The following DIS3L2 variants were observed in gnomAD, a reference collection of about 807,000 sequenced individuals.
DIS3L2 encodes DIS3 like 3'-5' exoribonuclease 2.
DIS3L2 carries 34 observed loss-of-function variants against 97.5 expected under a neutral mutation model. The ratio of observed to expected loss-of-function variants is 0.35; its 90% confidence interval spans 0.27 to 0.46. DIS3L2 has a LOEUF of 0.46. DIS3L2 is among the 20% of genes least tolerant of loss of function. The pLI is 1.00. For missense variants in DIS3L2, 1,038 were observed against 1,146.0 expected (o/e 0.91, Z 1.36); for synonymous variants, 435 against 445.2 (o/e 0.98, Z 0.29).
At chr2:232,195,028 T>G (rs913298504) in intron 9 of DIS3L2, among the ~76,000 whole-genome samples, 7 of 152,194 alleles carry the variant, frequency 4.6e-5, no homozygotes, top group Admixed American at 2.6e-4. Flanking sequence ...GCCTGCTATT[T>G]AAAAACAAAA....
chr2:232,090,684 A>C (rs535359382), intron 6 of DIS3L2, among the ~76,000 whole-genome samples: 2 of 152,330 alleles, frequency 1.3e-5, no homozygotes, highest in South Asian at 4.1e-4. Context: ...AGACTTCTAG[A>C]AAGGTTCTTT....
chr2:232,088,133 G>C (rs868095961), intron 6 of DIS3L2, among the ~76,000 whole-genome samples: 1 of 152,330 alleles, frequency 6.6e-6, no homozygotes, highest in Middle Eastern at 3.4e-3. Flanking sequence ...GGGCACAGTG[G>C]CTCACGCCTG....
chr2:232,316,358 C>A (rs539464405), intron 14 of DIS3L2, among the ~76,000 whole-genome samples: 1 of 152,228 alleles, frequency 6.6e-6, no homozygotes, highest in South Asian at 2.1e-4. Context: ...TGTCATTCGC[C>A]TCCACACTAG....
At chr2:232,169,441 G>A (rs1345705585) in intron 9 of DIS3L2, among the ~76,000 whole-genome samples, 2 of 152,026 alleles carry the variant, frequency 1.3e-5, no homozygotes, top group African/African-American at 2.4e-5. Flanking sequence ...AGACAGATTC[G>A]TACTCAGATA....
At chr2:232,230,631 C>T (rs539477185) in intron 10 of DIS3L2, among the ~76,000 whole-genome samples, 102 of 149,738 alleles carry the variant, frequency 6.8e-4, no homozygotes, top group Non-Finnish European at 1.0e-3. Context: ...GGTCTTGAGG[C>T]TCTTTGTTTT....
Position 232,306,418 on chromosome 2 carries a change from C to T in DIS3L2, c.1739+6299C>T, listed in dbSNP as rs188743926. ...TAACTGTATCAACGTCTGATACTCC[C>T]GGCCCCCAGTTGCCACGGTAAAAAT... On this transcript the variant is annotated intron_variant, in intron 14 of 20. Transcript: ENST00000325385. 6.6e-5 allele frequency among the ~76,000 whole-genome samples: 10 copies of T among 152,298 alleles called. No homozygotes were observed. The South Asian group carries it at 1.2e-3, about 19-fold the overall frequency.
chr2:232,330,604 C>T, intron 15 of DIS3L2, 86 bp from the exon 16 acceptor site: 1 of 1,391,596 alleles, frequency 7.2e-7, no homozygotes, highest in Admixed American at 1.7e-5. Context: ...CAGAGCCGGG[C>T]ATGAGGTGCT....
At position 232,276,721 on chromosome 2, in the gene DIS3L2, G is replaced by A. The variant is rs1489673803; in HGVS notation, c.1659+13281G>A. Among the ~76,000 whole-genome samples the A allele has an allele frequency of 3.3e-5, 5 of 152,234 alleles. No homozygotes were observed. In the East Asian group the frequency reaches 9.6e-4, roughly 29 times the overall value. ...ATGGACCCTGGGTCAGACTGCCTGG[G>A]TTCTGATCCCGACTCCCTCACTTAG... On this transcript the variant is annotated intron_variant, in intron 13 of 20. Coordinates refer to ENST00000325385, the MANE Select transcript of DIS3L2 (RefSeq NM_152383.5). The surrounding 1 kb of genome is among the most constrained non-coding windows in gnomAD (Gnocchi z 4.4).
At position 232,280,389 on chromosome 2, in the gene DIS3L2, A is replaced by AG. The variant is rs1180604967; in HGVS notation, c.1659+16950dup. Among the ~76,000 whole-genome samples the AG allele has an allele frequency of 5.3e-5, 8 of 152,228 alleles. 1 individual carries two copies. Among genetic ancestry groups the AG allele is most frequent in the Admixed American group, 5.2e-4 (8 of 15,288 alleles). On this transcript the variant is annotated intron_variant, in intron 13 of 20. Transcript: ENST00000325385. ...TGAAAAGAGGGTATGGGATGATTAG[A>AG]GAAAAACCTCCAAACTTTCTAGATA...
chr2:232,001,024 A>C (rs1464378326), intron 1 of DIS3L2, among the ~76,000 whole-genome samples: 1 of 152,114 alleles, frequency 6.6e-6, no homozygotes, highest in Non-Finnish European at 1.5e-5. Context: ...GTGGGAGTGC[A>C]AATGTCTTTT....
At position 232,190,472 on chromosome 2, in the gene DIS3L2, G is replaced by A. The variant is rs185237799; in HGVS notation, c.1125-19854G>A. The stretch of plus-strand genomic sequence containing the variant: ...GTGAAATTCAGAAGACTGAGATTTT[G>A]CTTTAAAGAACATGAACGACACAAT... On this transcript the variant is annotated intron_variant, in intron 9 of 20. Coordinates refer to ENST00000325385, the MANE Select transcript of DIS3L2 (RefSeq NM_152383.5). Among the ~76,000 whole-genome samples, 605 of 152,230 alleles carry A rather than the reference G, an allele frequency of 4.0e-3. 5 individuals carry two copies. Among genetic ancestry groups the A allele is most frequent in the Non-Finnish European group, 5.3e-3 (363 of 68,020 alleles).
chr2:232,340,367 G>T (rs906450221), downstream of DIS3L2, among the ~76,000 whole-genome samples: 1 of 152,188 alleles, frequency 6.6e-6, no homozygotes. Context: ...CTGGGCTGGG[G>T]TGAAGAGGGA....
intron 12 of DIS3L2, 117 bp from the exon 13 acceptor site, chr2:232,263,090 C>A: frequency 1.9e-6 from 2 of 1,075,730 alleles, no homozygotes. Context: ...CCATTCCGAG[C>A]ACACAGTCAG....
chr2:231,986,787 T>G (rs1267481624), intron 1 of DIS3L2, among the ~76,000 whole-genome samples: 3 of 152,256 alleles, frequency 2.0e-5, no homozygotes, highest in East Asian at 1.9e-4. Flanking sequence ...GTTTAACCAC[T>G]GAGCTCTACT....
At chr2:232,195,897 TC>T (rs1461979988) in intron 9 of DIS3L2, among the ~76,000 whole-genome samples, 1 of 145,994 alleles carries the variant, frequency 6.8e-6, no homozygotes, top group East Asian at 1.9e-4. Context: ...GGCAGTCTAG[TC>T]CCCAGGCAAG....
chr2:232,243,028 T>C (rs1693146451), intron 11 of DIS3L2, among the ~76,000 whole-genome samples: 2 of 152,140 alleles, frequency 1.3e-5, no homozygotes, highest in Admixed American at 6.5e-5. Flanking sequence ...ACACTTGCAA[T>C]GCATCAGGCT....
chr2:232,330,677 G>A lies in DIS3L2; in HGVS notation c.1924-13G>A, dbSNP rs1262992280. 5 of 1,613,952 alleles carry A rather than the reference G, an allele frequency of 3.1e-6. No homozygotes were observed. Among genetic ancestry groups the A allele is most frequent in the Non-Finnish European group, 4.2e-6 (5 of 1,179,988 alleles). ...GACCACACGTCACATAGGTTTCTGG[G>A]ATTTGCTTCTAGAAAAGCCTGACCC... On this transcript the variant is annotated splice_polypyrimidine_tract_variant and intron_variant, in intron 15 of 20. Coordinates refer to ENST00000325385, the MANE Select transcript of DIS3L2 (RefSeq NM_152383.5).
chr2:232,197,312 CTA>C (rs1183383452), intron 9 of DIS3L2, among the ~76,000 whole-genome samples: 4 of 152,124 alleles, frequency 2.6e-5, no homozygotes, highest in Non-Finnish European at 5.9e-5. Flanking sequence ...TACATATTAA[CTA>C]TGTCACTTCT....
At chr2:232,132,056 G>C (rs1698234618) in intron 7 of DIS3L2, among the ~76,000 whole-genome samples, 1 of 151,772 alleles carries the variant, frequency 6.6e-6, no homozygotes, top group Non-Finnish European at 1.5e-5. Context: ...TGGTAACACT[G>C]GGCCAAATTT....
Sources: allele counts gnomAD v4.1 joint callset (sites outside exome capture counted in the v4.1 genomes callset), GRCh38; gene constraint gnomAD v4.1.1; non-coding constraint Gnocchi (gnomAD v3.1); transcripts MANE v1.5; gene names NCBI Gene and HGNC (gene_info 2026-07-23, HGNC 2026-07-21).